The following MINK1 variants were observed in gnomAD, a reference collection of about 807,000 sequenced individuals.
MINK1 encodes the protein misshapen-like kinase 1.
In MINK1, 46 loss-of-function variants were observed where a neutral mutation model predicts 178.4. The observed-to-expected ratio is 0.26, with a 90% CI of 0.20 to 0.33. MINK1 has a LOEUF of 0.33. MINK1 is among the 10% of genes least tolerant of loss of function. MINK1 has a pLI of 1.00. For synonymous variants in MINK1, 797 were observed against 709.7 expected, an observed-to-expected ratio of 1.12 and a Z score of -1.96; for missense variants, 1,366 against 1,814.9, an observed-to-expected ratio of 0.75 and a Z score of 4.49.
In MINK1 at chr17:4,894,453, G is replaced by C. The variant is rs565218954; in HGVS notation, c.2809-72G>C. Reference sequence around the variant, plus strand: ...GTGCCAGTTGGGGAGCTGGAGCCTGGGGAACAGCAGCAGGGGCAGGGCCGC... The same window carrying C: ...GTGCCAGTTGGGGAGCTGGAGCCTGCGGAACAGCAGCAGGGGCAGGGCCGC... On this transcript the variant is annotated intron_variant, in intron 23 of 31. Coordinates refer to ENST00000355280, the MANE Select transcript of MINK1 (RefSeq NM_153827.5). The surrounding 1 kb of genome is among the most constrained non-coding windows in gnomAD (Gnocchi z 4.1). 4 of 1,519,826 alleles carry C rather than the reference G, an allele frequency of 2.6e-6. No individual in the cohort carries two copies. The East Asian group carries it at 9.8e-5, about 37-fold the overall frequency. The allele number at this position is 1,519,826 out of a possible 1,614,324, so 94.1% of individuals were successfully genotyped here.
At chr17:4,852,561 A>G (rs1340602034) in intron 1 of MINK1, among the ~76,000 whole-genome samples, 1 of 150,692 alleles carries the variant, frequency 6.6e-6, no homozygotes, top group Non-Finnish European at 1.5e-5. Context: ...AACAGAGAGA[A>G]AGCCACTAGT....
chr17:4,896,984 C>A lies in MINK1; in HGVS notation c.3915+171C>A. On this transcript the variant is annotated intron_variant, in intron 31 of 31. Transcript: ENST00000355280. The surrounding 1 kb of genome is among the most constrained non-coding windows in gnomAD (Gnocchi z 4.6). ...ACTGCCCTGCGCTCCCTTCAGATTC[C>A]GAGGACTTCCCAGCTGGCCCCCAGG... is the stretch of plus-strand genomic sequence containing the variant. The A allele has an allele frequency of 1.9e-6, 2 of 1,043,652 alleles. No homozygotes were observed. The highest frequency in any genetic ancestry group is 1.4e-6 in the Non-Finnish European group (1 of 732,106). The allele number at this position is 1,043,652 out of a possible 1,614,324, so 64.6% of individuals were successfully genotyped here.
At chr17:4,851,378 G>A (rs1465151182) in intron 1 of MINK1, among the ~76,000 whole-genome samples, 2 of 152,168 alleles carry the variant, frequency 1.3e-5, no homozygotes, top group Non-Finnish European at 2.9e-5. Context: ...TCTTAGTGCA[G>A]TAAACACTAA....
In MINK1 at chr17:4,885,856, G is replaced by T. The variant is rs1968151926; in HGVS notation, c.640-55G>T. The T allele has an allele frequency of 1.9e-6, 3 of 1,593,616 alleles. No homozygotes were observed. On this transcript the variant is annotated intron_variant, in intron 7 of 31. Transcript: ENST00000355280. This position sits in a 1 kb window ranked among gnomAD's most constrained non-coding sequence, Gnocchi z 5.0. ...AGGCCAGGATGGTGGGTGAAGAGAG[G>T]TTGCAGGGCAGAGTTGTCAGGAATA...
In MINK1 at chr17:4,897,321, C is replaced by G. The variant is rs1417125939; in HGVS notation, c.*34C>G. On this transcript the variant is annotated 3_prime_UTR_variant, in exon 32 of 32. Coordinates refer to ENST00000355280, the MANE Select transcript of MINK1 (RefSeq NM_153827.5). ...TGGGCTGGGGCTGTCCCACACTGGA[C>G]CCAGCTCTCCCCCTGCAGCCAGGCT... The G allele has an allele frequency of 6.3e-7, 1 of 1,592,380 alleles. No individual in the cohort carries two copies. The highest frequency in any genetic ancestry group is 1.1e-5 in the South Asian group (1 of 90,164).
chr17:4,868,847 T>C, intron 1 of MINK1: 1 of 343,286 alleles, frequency 2.9e-6, no homozygotes, highest in African/African-American at 2.2e-5. Flanking sequence ...CCTCCCAGGC[T>C]CAAGCAGTCC....
chr17:4,892,638 ACT>A lies in MINK1; in HGVS notation c.2199-15_2199-14del. 1.3e-6 allele frequency: 2 copies of A among 1,586,336 alleles called. No individual in the cohort carries two copies. Among genetic ancestry groups the A allele is most frequent in the African/African-American group, 1.3e-5 (1 of 74,434 alleles). On this transcript the variant is annotated splice_polypyrimidine_tract_variant and intron_variant, in intron 18 of 31. Coordinates refer to ENST00000355280, the MANE Select transcript of MINK1 (RefSeq NM_153827.5). ...GGAGCACCGTGCCTCCCTGACCCTG[ACT>A]CTGCCCCCCCAACAGTAACCCCGAC...
chr17:4,893,693 G>T, intron 21 of MINK1, 96 bp downstream of exon 21: 1 of 1,429,808 alleles, frequency 7.0e-7, no homozygotes, highest in Non-Finnish European at 9.3e-7. Context: ...CAAGTCTGAG[G>T]GAGAGCGGCT....
At chr17:4,893,800 T>C in intron 21 of MINK1, 188 bp from the exon 22 acceptor site, 1 of 895,520 alleles carries the variant, frequency 1.1e-6, no homozygotes, top group Non-Finnish European at 1.6e-6. Flanking sequence ...TGTCTGCCCC[T>C]GTGCCAGCCT....
rs781376634 is a variant in MINK1, at chr17:4,896,118, G to C, written c.3465+15G>C. 8.1e-6 allele frequency: 13 copies of C among 1,605,700 alleles called. No individual in the cohort carries two copies. The highest frequency in any genetic ancestry group is 2.7e-5 in the African/African-American group (2 of 74,622). On this transcript the variant is annotated intron_variant, in intron 28 of 31. Transcript: ENST00000355280. The surrounding 1 kb of genome is among the most constrained non-coding windows in gnomAD (Gnocchi z 4.6). ...TGGCCTTCAAGGTAATCCCAGCCTC[G>C]GTCCCTAACACCATCTGGAGTCCCA...
intron 20 of MINK1, 176 bp from the exon 21 acceptor site, chr17:4,893,258 C>T (rs1315737455): frequency 1.2e-6 from 2 of 1,613,756 alleles, no homozygotes; most frequent in Non-Finnish European, 1.7e-6. Context: ...TCTCTTCTGG[C>T]TCTTTCTTCC....
Position 4,833,655 on chromosome 17 carries a change from C to T in MINK1, c.57+15C>T. Reference sequence around the variant, plus strand: ...CCGCCCTGCGGGTGAGCGCGCCGTCCCCCAGCCTCGCCCTGGTTCCTGTCC... The same window carrying T: ...CCGCCCTGCGGGTGAGCGCGCCGTCTCCCAGCCTCGCCCTGGTTCCTGTCC... On this transcript the variant is annotated intron_variant, in intron 1 of 31. Coordinates refer to ENST00000355280, the MANE Select transcript of MINK1 (RefSeq NM_153827.5). This position sits in a 1 kb window ranked among gnomAD's most constrained non-coding sequence, Gnocchi z 4.8. The T allele has an allele frequency of 1.3e-6, 2 of 1,488,366 alleles. No homozygotes were observed. The highest frequency in any genetic ancestry group is 1.3e-5 in the South Asian group (1 of 79,398). 92.2% of individuals were successfully genotyped at this position (1,488,366 alleles called of 1,614,324 possible). A position where few individuals can be genotyped will look rare whatever the true frequency, so the allele number is the denominator to read the frequency against.
At chr17:4,876,032 TG>T (rs1361962907) in intron 1 of MINK1, among the ~76,000 whole-genome samples, 1 of 152,096 alleles carries the variant, frequency 6.6e-6, no homozygotes, top group East Asian at 2.0e-4. Context: ...CCTGACCCCT[TG>T]ATCTGCCCGC....
chr17:4,835,175 G>A (rs560009629), intron 1 of MINK1, among the ~76,000 whole-genome samples: 1 of 152,266 alleles, frequency 6.6e-6, no homozygotes, highest in Admixed American at 6.5e-5. Context: ...GTTTAAACTG[G>A]GATGCCCAAG....
intron 1 of MINK1, among the ~76,000 whole-genome samples, chr17:4,855,504 C>G (rs189952412): frequency 8.4e-6 from 1 of 119,134 alleles, no homozygotes; most frequent in Non-Finnish European, 1.7e-5. Context: ...AAAAAAAGGC[C>G]GGGCACAGTG....
intron 14 of MINK1, 42 bp downstream of exon 14, chr17:4,890,777 T>G: frequency 6.5e-7 from 1 of 1,534,338 alleles, no homozygotes; most frequent in African/African-American, 1.4e-5. Context: ...GCAGTCCCAC[T>G]GCCTGAGGCC....
chr17:4,869,600 C>T (rs1181838256), intron 1 of MINK1, among the ~76,000 whole-genome samples: 1 of 151,910 alleles, frequency 6.6e-6, no homozygotes, highest in African/African-American at 2.4e-5. Flanking sequence ...TGGATATATA[C>T]CCAGCAGTGG....
chr17:4,839,921 TC>T (rs1567553325), intron 1 of MINK1, among the ~76,000 whole-genome samples: 1 of 148,748 alleles, frequency 6.7e-6, no homozygotes, highest in African/African-American at 2.5e-5. Flanking sequence ...GAGACATTAA[TC>T]AAGTAATTAT....
intron 1 of MINK1, among the ~76,000 whole-genome samples, chr17:4,842,096 C>T (rs981341444): frequency 1.4e-4 from 21 of 152,030 alleles, no homozygotes; most frequent in East Asian, 1.2e-3. Context: ...CGGTGGTGGG[C>T]GCCTGTAGTC....
Sources: gnomAD v4.1 joint callset for allele counts (sites outside exome capture counted in the v4.1 genomes callset) on GRCh38, gnomAD v4.1.1 for gene constraint, Gnocchi (gnomAD v3.1) non-coding constraint, MANE v1.5 for transcripts, NCBI Gene and HGNC (gene_info 2026-07-23, HGNC 2026-07-21) for gene names.